Variants in IFFO1 observed in about 807,000 individuals in gnomAD.
The protein encoded by IFFO1 is intermediate filament family orphan 1.
In IFFO1, 42 loss-of-function variants were observed where a neutral mutation model predicts 59.6. That is an observed-to-expected ratio of 0.70 (90% CI 0.55 to 0.91). The LOEUF (loss-of-function observed/expected upper bound fraction) is 0.91. IFFO1 is among the 40% of genes least tolerant of loss of function. The pLI, the probability that IFFO1 is intolerant of heterozygous loss-of-function variation, is 0.00. For missense variants in IFFO1, 711 were observed against 793.2 expected (o/e 0.90, Z 1.24); for synonymous variants, 336 against 342.8 (o/e 0.98, Z 0.22).
rs753477198 is a variant in IFFO1, at chr12:6,540,515, G to C, written c.1684C>G (p.Arg562Gly). The stretch of plus-strand genomic sequence containing the variant: ...ATGGAGCTGTCAGATGAGACATCGC[G>C]ATCGGAGTCCTCAGCCTCGCTTGGC... ...PPPSEAEDSDRDVSSDSSMR is the reference protein window; with the variant it reads ...PPPSEAEDSDGDVSSDSSMR Residue 562 changes from arginine (R) to glycine (G), a missense_variant, in exon 10 of 10, where the codon CGC (arginine) becomes GGC (glycine). By Grantham distance (125) the Arg-to-Gly change is moderately radical. Coordinates refer to ENST00000619571, the MANE Select transcript of IFFO1 (RefSeq NM_001193457.2). The C allele has an allele frequency of 1.7e-5, 28 of 1,613,968 alleles. No homozygotes were observed. The highest frequency in any genetic ancestry group is 2.3e-5 in the Non-Finnish European group (27 of 1,180,022).
In IFFO1 at chr12:6,549,765, C is replaced by T. The variant is rs756674919; in HGVS notation, c.1062G>A (p.Gln354=). 1.2e-5 allele frequency: 20 copies of T among 1,613,292 alleles called. No individual in the cohort carries two copies. The South Asian group carries it at 1.8e-4, about 14-fold the overall frequency. ...AQQRNCEDMI[Q]MFQKKLSLHL... is the part of the protein sequence containing the mutation. Reference sequence around the variant, plus strand: ...GCAGCTCCGTCCTCACCTGGAACATCTGGATCATGTCCTCGCAGTTGCGCT... The same window carrying T: ...GCAGCTCCGTCCTCACCTGGAACATTTGGATCATGTCCTCGCAGTTGCGCT... Residue 354 remains glutamine, a synonymous_variant, in exon 4 of 10, where the codon CAG becomes CAA. Transcript: ENST00000619571. This position sits in a 1 kb window ranked among gnomAD's most constrained non-coding sequence, Gnocchi z 5.0.
At chr12:6,542,816 T>C (rs1326178721) in intron 8 of IFFO1, among the ~76,000 whole-genome samples, 2 of 152,174 alleles carry the variant, frequency 1.3e-5, no homozygotes, top group African/African-American at 4.8e-5. Flanking sequence ...ACACCCCAAT[T>C]TCTCCACCTT....
rs772738568 is a variant in IFFO1 at position 6,548,809 on chromosome 12, C to G, written c.1121G>C (p.Gly374Ala). 1.9e-6 allele frequency: 3 copies of G among 1,613,226 alleles called. No homozygotes were observed. The highest frequency in any genetic ancestry group is 2.2e-5 in the East Asian group (1 of 44,858). Residue 374 changes from glycine (G) to alanine (A), a missense_variant, in exon 6 of 10, where the codon GGG becomes GCG. Transcript: ENST00000619571. This position sits in a 1 kb window ranked among gnomAD's most constrained non-coding sequence, Gnocchi z 6.1. The stretch of plus-strand genomic sequence containing the variant: ...GGCAGCCTTGCGCTCCCGCTTCCGC[C>G]CCCCCATGGATGGGACCTTAATGGG... The part of the protein sequence containing the change: ...LSPIKVPSMG[G>A]RKRERKAAVE...
chr12:6,551,830 G>A (rs1018091474), intron 1 of IFFO1: 10 of 298,706 alleles, frequency 3.3e-5, no homozygotes, highest in East Asian at 2.6e-4. Context: ...TGGGCCGGAC[G>A]ACACCCTGGG....
chr12:6,549,536 C>T lies in IFFO1; in HGVS notation c.1072-52G>A, dbSNP rs1247598795. 5 of 1,503,254 alleles carry T rather than the reference C, an allele frequency of 3.3e-6. No individual in the cohort carries two copies. Among genetic ancestry groups the T allele is most frequent in the Non-Finnish European group, 3.7e-6 (4 of 1,080,044 alleles). 93.1% of individuals were successfully genotyped at this position (1,503,254 alleles called of 1,614,324 possible). A position where few individuals can be genotyped will look rare whatever the true frequency, so the allele number is the denominator to read the frequency against. On this transcript the variant is annotated intron_variant, in intron 4 of 9. Coordinates refer to ENST00000619571, the MANE Select transcript of IFFO1 (RefSeq NM_001193457.2). The surrounding 1 kb of genome is among the most constrained non-coding windows in gnomAD (Gnocchi z 5.0). ...AGAGGAAGAGAGGAGAGGAAGCAGA[C>T]AGAGGAGAGAGAGGGGGAAGGGAGA... is the stretch of plus-strand genomic sequence containing the variant.
chr12:6,555,421 G>A lies in IFFO1; in HGVS notation c.609C>T (p.Arg203=), dbSNP rs755623256. ...TGGGCTCCAGTCCCGGCCCGAGCCG[G>A]CGGGCGTGCGAGAACGACCAGATGG... ...PGTIWSFSHA[R]RLGPGLEPTL... Residue 203 remains arginine (R), a synonymous_variant, in exon 1 of 10, where the codon CGC becomes CGT. Transcript: ENST00000619571. The surrounding 1 kb of genome is among the most constrained non-coding windows in gnomAD (Gnocchi z 8.6). The A allele has an allele frequency of 1.2e-5, 19 of 1,613,990 alleles. No homozygotes were observed. In the South Asian group the frequency reaches 2.1e-4, roughly 18 times the overall value.
intron 8 of IFFO1, among the ~76,000 whole-genome samples, chr12:6,545,994 C>A (rs1362668915): frequency 6.6e-6 from 1 of 152,178 alleles, no homozygotes; most frequent in Non-Finnish European, 1.5e-5. Context: ...GAAAAAGAAT[C>A]CGATGCTGAG....
intron 8 of IFFO1, among the ~76,000 whole-genome samples, chr12:6,545,201 C>T (rs533974167): frequency 4.6e-4 from 70 of 151,846 alleles, no homozygotes; most frequent in Non-Finnish European, 8.7e-4. Flanking sequence ...GGCGACACAG[C>T]GAGACTACGT....
chr12:6,546,315 A>C (rs1285531353), intron 8 of IFFO1, among the ~76,000 whole-genome samples: 2 of 152,198 alleles, frequency 1.3e-5, no homozygotes, highest in Non-Finnish European at 2.9e-5. Context: ...TGAATCTCCC[A>C]TGTGGGCCTG....
intron 8 of IFFO1, chr12:6,543,714 C>T (rs555237033): frequency 6.6e-6 from 1 of 152,304 alleles, no homozygotes; most frequent in Admixed American, 6.5e-5. Flanking sequence ...TGCCTGTAAT[C>T]CCAGCACTTT....
At chr12:6,546,924 T>G (rs1298283334) in intron 8 of IFFO1, among the ~76,000 whole-genome samples, 1 of 152,164 alleles carries the variant, frequency 6.6e-6, no homozygotes, top group Non-Finnish European at 1.5e-5. Flanking sequence ...TCTCAAAGGC[T>G]GAGTGGAAGA....
Position 6,555,442 on chromosome 12 carries a change from G to T in IFFO1, c.588C>A (p.Ile196=). Residue 196 remains isoleucine (I), a synonymous_variant, in exon 1 of 10, where the codon ATC becomes ATA. Transcript: ENST00000619571. This position sits in a 1 kb window ranked among gnomAD's most constrained non-coding sequence, Gnocchi z 8.6. ...GCCGGCGGGCGTGCGAGAACGACCA[G>T]ATGGTGCCGGGCATGAAGCGGGCCG... ...SSSARFMPGT[I]WSFSHARRLG... The T allele has an allele frequency of 1.2e-6, 2 of 1,613,930 alleles. No individual in the cohort carries two copies. Among genetic ancestry groups the T allele is most frequent in the Non-Finnish European group, 1.7e-6 (2 of 1,179,906 alleles).
In IFFO1 at chr12:6,548,921, G is replaced by A. The variant is rs1322567495; in HGVS notation, c.1081-72C>T. 1 of 1,332,646 alleles carries A rather than the reference G, an allele frequency of 7.5e-7. No individual in the cohort carries two copies. Among genetic ancestry groups the A allele is most frequent in the Non-Finnish European group, 1.0e-6 (1 of 963,100 alleles). 82.6% of individuals were successfully genotyped at this position (1,332,646 alleles called of 1,614,324 possible). ...AGGCCGGGCAGAGAGGGTGGGAATG[G>A]GGGAGAAGCATGAACCAGTAGGAAG... On this transcript the variant is annotated intron_variant, in intron 5 of 9. Transcript: ENST00000619571. This position sits in a 1 kb window ranked among gnomAD's most constrained non-coding sequence, Gnocchi z 6.1.
At chr12:6,546,870 A>AGGT (rs1946991984) in intron 8 of IFFO1, among the ~76,000 whole-genome samples, 1 of 152,190 alleles carries the variant, frequency 6.6e-6, no homozygotes, top group Admixed American at 6.5e-5. Context: ...TACCTCTAGA[A>AGGT]GGTACTTCAA....
In IFFO1 at chr12:6,539,938, C is replaced by T. The variant is rs758740; in HGVS notation, c.*545G>A. 160,972 of 163,110 alleles carry T rather than the reference C, an allele frequency of 0.99. 79,461 individuals carry two copies. The highest frequency in any genetic ancestry group is 1 in the East Asian group (5,335 of 5,336). 10.1% of individuals were successfully genotyped at this position (163,110 alleles called of 1,614,324 possible). ...ACCTGGCAGGTGGACAGCGTGAGCA[C>T]GTGGACCATAGCAGGGACAAGGTGC... On this transcript the variant is annotated 3_prime_UTR_variant, in exon 10 of 10. Coordinates refer to ENST00000619571, the MANE Select transcript of IFFO1 (RefSeq NM_001193457.2).
rs1202010884 is a variant in IFFO1, at chr12:6,548,730, C to T, written c.1200G>A (p.Gly400=). 1 of 1,614,040 alleles carries T rather than the reference C, an allele frequency of 6.2e-7. No individual in the cohort carries two copies. Among genetic ancestry groups the T allele is most frequent in the Admixed American group, 1.7e-5 (1 of 60,020 alleles). ...SESEGPRQPD[G]DEEESTALSI... is the part of the protein sequence containing the mutation. ...TGAGGGCTGTGCTCTCCTCCTCATC[C>T]CCATCGGGCTGGCGGGGCCCCTCAC... The change falls in exon 6 of 10, where the codon GGG becomes GGA. Residue 400 remains glycine, a synonymous_variant. Transcript: ENST00000619571. The surrounding 1 kb of genome is among the most constrained non-coding windows in gnomAD (Gnocchi z 6.1).
At position 6,549,099 on chromosome 12, in the gene IFFO1, G is replaced by A; in HGVS notation, c.1081-250C>T. ...GAAGAAGAGCAGTCAGACAAGGAAG[G>A]AAGGGCTCGCTGGGGCTGCAGTCAG... On this transcript the variant is annotated intron_variant, in intron 5 of 9. Coordinates refer to ENST00000619571, the MANE Select transcript of IFFO1 (RefSeq NM_001193457.2). The surrounding 1 kb of genome is among the most constrained non-coding windows in gnomAD (Gnocchi z 5.0). The A allele has an allele frequency of 1.1e-5, 6 of 571,232 alleles. No homozygotes were observed. Among genetic ancestry groups the A allele is most frequent in the Non-Finnish European group, 3.1e-6 (1 of 323,516 alleles). The allele number at this position is 571,232 out of a possible 1,614,324, so 35.4% of individuals were successfully genotyped here.
chr12:6,550,829 G>C (rs376803395), intron 2 of IFFO1, 39 bp from the exon 3 acceptor site: 2 of 1,604,606 alleles, frequency 1.2e-6, no homozygotes, highest in East Asian at 2.2e-5. Context: ...TGGCACTGCC[G>C]AGGTGGGAGG....
In IFFO1 at chr12:6,548,311, G is replaced by A. The variant is rs926294468; in HGVS notation, c.1383+114C>T. ...AAAAGGATAAAGGAAGAGGGGAGAC[G>A]CAGGTAGAGGATGACAGCCACATGG... is the stretch of plus-strand genomic sequence containing the variant. On this transcript the variant is annotated intron_variant, in intron 7 of 9. Transcript: ENST00000619571. This position sits in a 1 kb window ranked among gnomAD's most constrained non-coding sequence, Gnocchi z 6.1. 2.2e-5 allele frequency: 30 copies of A among 1,341,100 alleles called. No individual in the cohort carries two copies. Among genetic ancestry groups the A allele is most frequent in the Middle Eastern group, 3.7e-4 (2 of 5,342 alleles). The allele number at this position is 1,341,100 out of a possible 1,614,324, so 83.1% of individuals were successfully genotyped here. A position where few individuals can be genotyped will look rare whatever the true frequency, so the allele number is the denominator to read the frequency against.
Sources: allele counts gnomAD v4.1 joint callset (sites outside exome capture counted in the v4.1 genomes callset), GRCh38; gene constraint gnomAD v4.1.1; non-coding constraint Gnocchi (gnomAD v3.1); transcripts MANE v1.5; gene names NCBI Gene and HGNC (gene_info 2026-07-23, HGNC 2026-07-21).